Variants in TMEM50B observed in about 807,000 individuals in gnomAD.
The protein encoded by TMEM50B is HCV p7-trans-regulated protein 3.
TMEM50B carries 14 observed loss-of-function variants against 23.4 expected under a neutral mutation model. That is an observed-to-expected ratio of 0.60 (90% confidence interval 0.39 to 0.93). The LOEUF is 0.93. TMEM50B is among the 40% of genes least tolerant of loss of function. The probability of loss-of-function intolerance (pLI) is 0.00; values close to 1 mark genes in which losing one functional copy is unlikely to be tolerated. For missense variants in TMEM50B, 159 were observed against 193.0 expected (o/e 0.82, Z 1.04); for synonymous variants, 64 against 62.3 (o/e 1.03, Z -0.13).
chr21:33,463,234 A>G (rs2084233373), intron 4 of TMEM50B, among the ~76,000 whole-genome samples: 1 of 152,180 alleles, frequency 6.6e-6, no homozygotes, highest in Admixed American at 6.5e-5. Flanking sequence ...GGAGGATGCA[A>G]TGAGCTGAGA....
chr21:33,445,885 C>G (rs1192986504), downstream of TMEM50B, among the ~76,000 whole-genome samples: 1 of 152,180 alleles, frequency 6.6e-6, no homozygotes, highest in Non-Finnish European at 1.5e-5. Context: ...AACATACTTA[C>G]AGACAGGGAA....
chr21:33,459,309 G>A (rs1265423799), intron 5 of TMEM50B, among the ~76,000 whole-genome samples: 1 of 152,170 alleles, frequency 6.6e-6, no homozygotes, highest in African/African-American at 2.4e-5. Context: ...GTTTCTGTAT[G>A]AAGAGTATAC....
intron 4 of TMEM50B, among the ~76,000 whole-genome samples, chr21:33,461,944 A>G (rs1448635130): frequency 6.6e-6 from 1 of 152,014 alleles, no homozygotes; most frequent in Non-Finnish European, 1.5e-5. Context: ...ACAAAAAGAG[A>G]AAAAAAAGAA....
chr21:33,448,576 G>A (rs999348308), downstream of TMEM50B, among the ~76,000 whole-genome samples: 4 of 151,694 alleles, frequency 2.6e-5, no homozygotes, highest in African/African-American at 9.7e-5. Flanking sequence ...TGCCTCCAAG[G>A]TTCACGCCAT....
chr21:33,445,387 C>T (rs915988529), downstream of TMEM50B, among the ~76,000 whole-genome samples: 3 of 152,222 alleles, frequency 2.0e-5, no homozygotes, highest in Non-Finnish European at 2.9e-5. Context: ...AAAAGTGCTA[C>T]AAAAAAATGC....
chr21:33,458,070 G>A (rs960147459), intron 5 of TMEM50B, among the ~76,000 whole-genome samples: 1 of 152,178 alleles, frequency 6.6e-6, no homozygotes, highest in African/African-American at 2.4e-5. Flanking sequence ...AGCTGCTCAT[G>A]CTGCTGGGTG....
intron 5 of TMEM50B, among the ~76,000 whole-genome samples, chr21:33,460,114 C>T (rs2084204005): frequency 6.6e-6 from 1 of 152,080 alleles, no homozygotes; most frequent in South Asian, 2.1e-4. Flanking sequence ...CTGCAACTCC[C>T]AGTAAATGGG....
chr21:33,463,627 G>A (rs1238905599), intron 4 of TMEM50B, among the ~76,000 whole-genome samples: 2 of 151,488 alleles, frequency 1.3e-5, no homozygotes, highest in Non-Finnish European at 2.9e-5. Flanking sequence ...GGTGGATTCT[G>A]GCCAGGCGTG....
intron 6 of TMEM50B, among the ~76,000 whole-genome samples, chr21:33,453,485 G>A (rs1038964995): frequency 5.9e-5 from 9 of 152,074 alleles, no homozygotes; most frequent in South Asian, 2.1e-4. Context: ...AGACAACTTC[G>A]AGCAGCCTAT....
At chr21:33,464,804 C>CAAAAAAA (rs59855166) in intron 4 of TMEM50B, among the ~76,000 whole-genome samples, 6 of 100,892 alleles carry the variant, frequency 5.9e-5, no homozygotes, top group Middle Eastern at 5.0e-3. Context: ...AACTCCGTCT[C>CAAAAAAA]AAAAAAAAAA....
At chr21:33,460,329 A>C (rs747538613) in intron 5 of TMEM50B, 84 bp downstream of exon 5, 1 of 816,954 alleles carries the variant, frequency 1.2e-6, no homozygotes, top group Non-Finnish European at 2.1e-6. Context: ...CAATTATACT[A>C]AGTTGTACTC....
intron 3 of TMEM50B, 69 bp from the exon 4 acceptor site, chr21:33,465,478 CACTT>C: frequency 8.4e-7 from 1 of 1,187,286 alleles, no homozygotes; most frequent in Non-Finnish European, 1.2e-6. Flanking sequence ...ATTTATATAA[CACTT>C]AGACGGAAAA....
At chr21:33,446,618 C>G (rs1301129734), downstream of TMEM50B, among the ~76,000 whole-genome samples, 16 of 126,582 alleles carry the variant, frequency 1.3e-4, no homozygotes, top group Non-Finnish European at 2.2e-4. Flanking sequence ...TGACACCCTC[C>G]TCCTAAAGAC....
At chr21:33,464,267 G>A (rs975602032) in intron 4 of TMEM50B, among the ~76,000 whole-genome samples, 9 of 149,866 alleles carry the variant, frequency 6.0e-5, no homozygotes, top group Non-Finnish European at 1.0e-4. Context: ...AGGTGATCTC[G>A]GCTCACCGCA....
At chr21:33,476,355 C>T (rs1003545890) in intron 1 of TMEM50B, among the ~76,000 whole-genome samples, 1 of 152,090 alleles carries the variant, frequency 6.6e-6, no homozygotes, top group Non-Finnish European at 1.5e-5. Flanking sequence ...TGCACTCCAG[C>T]TTGGGCAACA....
In TMEM50B at chr21:33,468,630, T is replaced by C. The variant is rs117354030; in HGVS notation, c.99+157A>G. The C allele has an allele frequency of 3.4e-3, 1,975 of 588,160 alleles. 12 individuals carry two copies. Among genetic ancestry groups the C allele is most frequent in the Middle Eastern group, 4.5e-3 (17 of 3,776 alleles). The allele number at this position is 588,160 out of a possible 1,614,324, so 36.4% of individuals were successfully genotyped here. Reference sequence around the variant, plus strand: ...AATGAATCCAGGGCCTACCATATTCTGCTTGGCAATAGTATCTAGAACTCT... The same window carrying C: ...AATGAATCCAGGGCCTACCATATTCCGCTTGGCAATAGTATCTAGAACTCT... On this transcript the variant is annotated intron_variant, in intron 2 of 6. Transcript: ENST00000542230.
intron 2 of TMEM50B, 153 bp from the exon 3 acceptor site, chr21:33,467,275 G>C: frequency 1.6e-6 from 1 of 615,332 alleles, no homozygotes; most frequent in Non-Finnish European, 2.8e-6. Flanking sequence ...CAAGGCAGGT[G>C]GATTACTTGA....
rs74641116 is a variant in TMEM50B at position 33,464,063 on chromosome 21, G to T, written c.280+1279C>A. ...TGGTTCTAGATGGGAAACAAGCACAGCATAGTGGCTAAAAGCATGGGCTCT... is the reference window on the plus strand; with the variant it reads ...TGGTTCTAGATGGGAAACAAGCACATCATAGTGGCTAAAAGCATGGGCTCT... On this transcript the variant is annotated intron_variant, in intron 4 of 6. Transcript: ENST00000542230. 1.0e-3 allele frequency among the ~76,000 whole-genome samples: 159 copies of T among 152,298 alleles called. 1 individual carries two copies. Among genetic ancestry groups the T allele is most frequent in the African/African-American group, 3.6e-3 (148 of 41,568 alleles).
chr21:33,436,974 G>A (rs1228313341), intron 8 of TMEM50B: 3 of 1,613,604 alleles, frequency 1.9e-6, no homozygotes, highest in Non-Finnish European at 2.5e-6. Context: ...CCAAAGCATG[G>A]GCCTAGCCCA....
Sources: allele counts gnomAD v4.1 joint callset (sites outside exome capture counted in the v4.1 genomes callset), GRCh38; gene constraint gnomAD v4.1.1; transcripts MANE v1.5; gene names NCBI Gene and HGNC (gene_info 2026-07-23, HGNC 2026-07-21).